EIF3A: variants seen among roughly 807,000 people sequenced by gnomAD.
The protein encoded by EIF3A is eukaryotic translation initiation factor 3 subunit A.
Under a neutral mutation model 186.6 loss-of-function variants are expected in EIF3A, and 21 were observed. The observed-to-expected ratio is 0.11, with a 90% CI of 0.08 to 0.16. EIF3A has a LOEUF of 0.16. Among genes scored for constraint, EIF3A ranks in the 10% least tolerant of loss-of-function variants. EIF3A has a pLI of 1.00. For synonymous variants in EIF3A, 563 were observed against 584.3 expected, an observed-to-expected ratio of 0.96 and a Z score of 0.52; for missense variants, 1,306 against 1,796.3, an observed-to-expected ratio of 0.73 and a Z score of 4.93.
At chr10:119,080,391 A>AG in intron 1 of EIF3A, 1 of 985,434 alleles carries the variant, frequency 1.0e-6, no homozygotes, top group Non-Finnish European at 1.2e-6. Context: ...CGGAGGCGGC[A>AG]GGGGGAAGGA....
At chr10:119,079,767 A>G (rs1450391791) in intron 1 of EIF3A, among the ~76,000 whole-genome samples, 1 of 152,112 alleles carries the variant, frequency 6.6e-6, no homozygotes, top group Non-Finnish European at 1.5e-5. Context: ...GCACTGTGGC[A>G]GAAAAAAAGA....
In EIF3A at chr10:119,063,343, A is replaced by C. The variant is rs540971954; in HGVS notation, c.1123-2015T>G. Reference sequence around the variant, plus strand: ...AAAGTTAGCTACAAAGTGAATCTGCATTACTATGTCACAAAGGAAAAATGC... The same window carrying C: ...AAAGTTAGCTACAAAGTGAATCTGCCTTACTATGTCACAAAGGAAAAATGC... On this transcript the variant is annotated intron_variant, in intron 7 of 21. Transcript: ENST00000369144. Among the ~76,000 whole-genome samples, 9 of 152,316 alleles carry C rather than the reference A, an allele frequency of 5.9e-5. No individual in the cohort carries two copies. The South Asian group carries it at 1.7e-3, about 28-fold the overall frequency.
intron 1 of EIF3A, among the ~76,000 whole-genome samples, chr10:119,075,015 T>C (rs952395360): frequency 7.7e-6 from 1 of 129,382 alleles, no homozygotes; most frequent in Non-Finnish European, 1.6e-5. Flanking sequence ...GGAATCTCGC[T>C]GTGTCGCCCA....
rs1210599733 is a variant in EIF3A, at chr10:119,042,717, CTTCATCTCTTCTATG to C, written c.2788_2802del (p.His930_Glu934del). 1 of 1,613,596 alleles carries C rather than the reference CTTCATCTCTTCTATG, an allele frequency of 6.2e-7. No homozygotes were observed. The highest frequency in any genetic ancestry group is 8.5e-7 in the Non-Finnish European group (1 of 1,180,034). On this transcript the variant is annotated inframe_deletion, in exon 19 of 22. Coordinates refer to ENST00000369144, the MANE Select transcript of EIF3A (RefSeq NM_003750.4). This position sits in a 1 kb window ranked among gnomAD's most constrained non-coding sequence, Gnocchi z 7.8. ...TCATCCCCCAGACGCCGGGGCCGCT[CTTCATCTCTTCTATG>C]AGACCTGTCCTCATCTCGCCCTTCT...
chr10:119,037,068 C>CG lies in EIF3A; in HGVS notation c.3919+50_3919+51insC, dbSNP rs757776609. On this transcript the variant is annotated intron_variant, in intron 21 of 21. Transcript: ENST00000369144. Reference sequence around the variant, plus strand: ...TAATTAAATAACCCAAATCCCCCCCCCCCCAGAAACGACAGTTCTCCAATA... The same window carrying CG: ...TAATTAAATAACCCAAATCCCCCCCCGCCCCAGAAACGACAGTTCTCCAATA... The CG allele has an allele frequency of 1.2e-5, 10 of 867,592 alleles. 1 individual carries two copies. Among genetic ancestry groups the CG allele is most frequent in the Middle Eastern group, 2.7e-4 (1 of 3,704 alleles). The allele number at this position is 867,592 out of a possible 1,614,324, so 53.7% of individuals were successfully genotyped here.
chr10:119,066,103 C>A (rs573386887), intron 6 of EIF3A, among the ~76,000 whole-genome samples: 31 of 147,568 alleles, frequency 2.1e-4, no homozygotes, highest in Admixed American at 1.1e-3. Flanking sequence ...GCGACAGAGC[C>A]AGACTCTGTC....
chr10:119,061,253 G>T lies in EIF3A; in HGVS notation c.1198C>A (p.Pro400Thr). The change falls in exon 8 of 22, where the codon CCA (proline) becomes ACA (threonine). Residue 400 changes from proline (P) to threonine (T), a missense_variant. Pro to Thr is a conservative substitution (Grantham distance 38). Around this residue, in one of 8 missense-constraint regions of EIF3A, gnomAD observed 267 missense variants for 367.8 expected, o/e 0.73. Transcript: ENST00000369144. ...LYNWLEVEFN[P>T]LKLCERVTKV... The stretch of plus-strand genomic sequence containing the variant: ...GTGACTCGCTCACAGAGTTTTAATG[G>T]GTTAAATTCTACTTCAAGCCAATTG... 1 of 1,586,930 alleles carries T rather than the reference G, an allele frequency of 6.3e-7. No individual in the cohort carries two copies. The highest frequency in any genetic ancestry group is 8.6e-7 in the Non-Finnish European group (1 of 1,161,708).
chr10:119,066,956 T>C (rs1843991038), intron 6 of EIF3A, among the ~76,000 whole-genome samples: 1 of 151,772 alleles, frequency 6.6e-6, no homozygotes, highest in Non-Finnish European at 1.5e-5. Flanking sequence ...CTCATGCCTG[T>C]AATCCCAACA....
chr10:119,054,314 T>C (rs1288862333), intron 14 of EIF3A, among the ~76,000 whole-genome samples: 1 of 152,226 alleles, frequency 6.6e-6, no homozygotes, highest in Non-Finnish European at 1.5e-5. Flanking sequence ...AAAGGGAATG[T>C]TGTGGCTGGT....
At chr10:119,074,597 C>T (rs560246852) in intron 1 of EIF3A, among the ~76,000 whole-genome samples, 44 of 151,868 alleles carry the variant, frequency 2.9e-4, no homozygotes, top group African/African-American at 1.0e-3. Context: ...CTCTGGAAAT[C>T]TCAAACTGCT....
intron 11 of EIF3A, 41 bp from the exon 12 acceptor site, chr10:119,058,344 C>T: frequency 7.2e-7 from 1 of 1,390,552 alleles, no homozygotes; most frequent in Admixed American, 2.3e-5. Context: ...CCAAAATTAA[C>T]ATTCTCTGGT....
intron 4 of EIF3A, among the ~76,000 whole-genome samples, chr10:119,071,810 G>A (rs1206711900): frequency 1.3e-5 from 2 of 151,926 alleles, no homozygotes; most frequent in African/African-American, 4.8e-5. Context: ...TGGATCACAA[G>A]GTCAGGAGAT....
chr10:119,063,102 G>A (rs959704850), intron 7 of EIF3A, among the ~76,000 whole-genome samples: 3 of 151,980 alleles, frequency 2.0e-5, no homozygotes, highest in African/African-American at 4.8e-5. Context: ...AGTGTGGCAC[G>A]TTTCTTCAGC....
chr10:119,054,980 C>T (rs1443406903), intron 14 of EIF3A, among the ~76,000 whole-genome samples: 3 of 152,148 alleles, frequency 2.0e-5, no homozygotes, highest in African/African-American at 4.8e-5. Context: ...GAGGCTGAGG[C>T]GAACAGAACA....
chr10:119,044,008 T>G, intron 18 of EIF3A, 46 bp downstream of exon 18: 1 of 1,346,806 alleles, frequency 7.4e-7, no homozygotes. Context: ...ACTGATAAGA[T>G]ATTAACAGGA....
In EIF3A at chr10:119,058,163, C is replaced by T. The variant is rs1843819069; in HGVS notation, c.1770G>A (p.Glu590=). The T allele has an allele frequency of 1.2e-6, 2 of 1,614,030 alleles. No homozygotes were observed. Among genetic ancestry groups the T allele is most frequent in the Non-Finnish European group, 1.7e-6 (2 of 1,180,034 alleles). The change falls in exon 12 of 22, where the codon GAG becomes GAA. Residue 590 remains glutamate (E), a synonymous_variant. Coordinates refer to ENST00000369144, the MANE Select transcript of EIF3A (RefSeq NM_003750.4). ...ERLESLNIQR[E]KEELEQREAE... is the part of the protein sequence containing the mutation. ...CTTCCCTCTGTTCCAATTCTTCTTTCTCACGCTGAATATTCAGACTCTCAA... is the reference window on the plus strand; with the variant it reads ...CTTCCCTCTGTTCCAATTCTTCTTTTTCACGCTGAATATTCAGACTCTCAA...
intron 6 of EIF3A, 79 bp from the exon 7 acceptor site, chr10:119,065,649 A>G: frequency 1.9e-6 from 2 of 1,028,512 alleles, no homozygotes; most frequent in Non-Finnish European, 3.0e-6. Flanking sequence ...CTTTAATCTT[A>G]CGGTAAGGCG....
intron 19 of EIF3A, among the ~76,000 whole-genome samples, chr10:119,039,690 G>A (rs1474641917): frequency 1.3e-5 from 2 of 151,982 alleles, no homozygotes; most frequent in Non-Finnish European, 2.9e-5. Flanking sequence ...AACAAATGCT[G>A]TTTAGTGGCC....
chr10:119,055,225 T>C (rs1010234695), intron 14 of EIF3A, among the ~76,000 whole-genome samples: 1 of 151,978 alleles, frequency 6.6e-6, no homozygotes, highest in African/African-American at 2.4e-5. Flanking sequence ...AATATATACA[T>C]ATTAGTGTCT....
Sources: gnomAD v4.1 joint callset for allele counts (sites outside exome capture counted in the v4.1 genomes callset) on GRCh38, gnomAD v4.1.1 for gene constraint, gnomAD v4.1.1 regional missense constraint, Gnocchi (gnomAD v3.1) non-coding constraint, MANE v1.5 for transcripts, NCBI Gene and HGNC (gene_info 2026-07-23, HGNC 2026-07-21) for gene names.